Variants in CHEK1 observed in about 807,000 individuals in gnomAD.
CHEK1 encodes the protein serine/threonine-protein kinase Chk1.
CHEK1 carries 32 observed loss-of-function variants against 60.2 expected under a neutral mutation model. The ratio of observed to expected loss-of-function variants is 0.53; its 90% CI spans 0.40 to 0.71. CHEK1 has a LOEUF of 0.71. Ranked by LOEUF, CHEK1 falls within the 30% of genes least tolerant of loss-of-function variation. The pLI, the probability that CHEK1 is intolerant of heterozygous loss-of-function variation, is 0.00. For missense variants in CHEK1, 399 were observed against 564.6 expected (o/e 0.71, Z 2.97); for synonymous variants, 179 against 187.2 (o/e 0.96, Z 0.36).
chr11:125,668,560 G>A (rs1235066887), intron 13 of CHEK1, among the ~76,000 whole-genome samples: 1 of 151,736 alleles, frequency 6.6e-6, no homozygotes. Flanking sequence ...TTTGAGACAA[G>A]ATCTGTTGTC....
intron 13 of CHEK1, among the ~76,000 whole-genome samples, chr11:125,673,642 A>G (rs544813799): frequency 1.2e-4 from 18 of 152,180 alleles, no homozygotes; most frequent in Non-Finnish European, 2.4e-4. Context: ...CTCCATGCCA[A>G]TATGCTAAGG....
At chr11:125,635,161 G>A (rs1268514414) in intron 6 of CHEK1, among the ~76,000 whole-genome samples, 2 of 151,934 alleles carry the variant, frequency 1.3e-5, no homozygotes, top group East Asian at 3.9e-4. Flanking sequence ...GTCTCACTAT[G>A]TTGCCCAGGC....
At chr11:125,649,676 T>G (rs1309643306) in intron 11 of CHEK1, 1 of 152,428 alleles carries the variant, frequency 6.6e-6, no homozygotes, top group Non-Finnish European at 1.5e-5. Flanking sequence ...CTGCAGTGAG[T>G]CGTGATCTGA....
At chr11:125,674,680 A>C (rs1942397047) in intron 13 of CHEK1, among the ~76,000 whole-genome samples, 1 of 152,126 alleles carries the variant, frequency 6.6e-6, no homozygotes, top group Non-Finnish European at 1.5e-5. Context: ...GCTTTGACCA[A>C]CCTGGATGGG....
chr11:125,673,166 CTT>C (rs1285722948), intron 13 of CHEK1, among the ~76,000 whole-genome samples: 1 of 148,050 alleles, frequency 6.8e-6, no homozygotes, highest in Non-Finnish European at 1.5e-5. Flanking sequence ...TTTTTAACCT[CTT>C]TGCTTGCACA....
chr11:125,644,739 TG>T, intron 11 of CHEK1, 96 bp downstream of exon 11: 1 of 1,362,274 alleles, frequency 7.3e-7, no homozygotes, highest in African/African-American at 1.5e-5. Flanking sequence ...ATATAGGCTG[TG>T]GCTCACACCT....
chr11:125,671,853 T>C (rs571415959), intron 13 of CHEK1: 1 of 152,344 alleles, frequency 6.6e-6, no homozygotes, highest in African/African-American at 2.4e-5. Context: ...TGTGAAAACA[T>C]CTTGAAGAAC....
At chr11:125,654,299 C>G (rs940247505) in intron 12 of CHEK1, among the ~76,000 whole-genome samples, 1 of 151,982 alleles carries the variant, frequency 6.6e-6, no homozygotes, top group Non-Finnish European at 1.5e-5. Flanking sequence ...CACTGCACTC[C>G]AGTCTGGGTG....
intron 13 of CHEK1, among the ~76,000 whole-genome samples, chr11:125,664,563 T>C: frequency 6.6e-6 from 1 of 152,032 alleles, no homozygotes; most frequent in Admixed American, 6.6e-5. Flanking sequence ...CTATTGGCCA[T>C]TTGTATGTCT....
At chr11:125,647,670 T>G (rs532814073) in intron 11 of CHEK1, among the ~76,000 whole-genome samples, 45 of 152,178 alleles carry the variant, frequency 3.0e-4, no homozygotes, top group Non-Finnish European at 5.1e-4. Context: ...GGATTTTACA[T>G]TTGTTTGGAT....
intron 5 of CHEK1, among the ~76,000 whole-genome samples, chr11:125,630,747 GA>G (rs761078199): frequency 1.3e-5 from 2 of 152,024 alleles, no homozygotes; most frequent in Non-Finnish European, 2.9e-5. Flanking sequence ...GTATTATAAT[GA>G]AATGTAAATA....
In CHEK1 at chr11:125,625,577, AGCCTTTCAGGCCCAGAGCG is replaced by A. The variant is rs771441663; in HGVS notation, c.-452_-434del. On this transcript the variant is annotated 5_prime_UTR_variant, in exon 1 of 13. Coordinates refer to ENST00000438015, the MANE Select transcript of CHEK1 (RefSeq NM_001114122.3). The stretch of plus-strand genomic sequence containing the variant: ...GGTGGCCTCACGCAGGTGGCGGTGC[AGCCTTTCAGGCCCAGAGCG>A]GCCAGGAGCGAAGCCCGCAGCCCCG... 1,220 of 591,280 alleles carry A rather than the reference AGCCTTTCAGGCCCAGAGCG, an allele frequency of 2.1e-3. 7 individuals carry two copies. Among genetic ancestry groups the A allele is most frequent in the Non-Finnish European group, 2.6e-3 (877 of 331,232 alleles). The allele number at this position is 591,280 out of a possible 1,614,324, so 36.6% of individuals were successfully genotyped here. A position where few individuals can be genotyped will look rare whatever the true frequency, so the allele number is the denominator to read the frequency against.
intron 8 of CHEK1, among the ~76,000 whole-genome samples, chr11:125,639,382 CTTT>C (rs367756024): frequency 4.7e-5 from 5 of 106,374 alleles, no homozygotes; most frequent in Non-Finnish European, 3.6e-5. Context: ...ATACTTTTCT[CTTT>C]TTTTTTTTTT....
At chr11:125,637,204 C>T (rs1941103534) in intron 7 of CHEK1, among the ~76,000 whole-genome samples, 1 of 152,146 alleles carries the variant, frequency 6.6e-6, no homozygotes, top group Non-Finnish European at 1.5e-5. Context: ...AGAAACATTT[C>T]CATCTGGCTC....
At chr11:125,650,518 G>A (rs1010626687) in intron 11 of CHEK1, among the ~76,000 whole-genome samples, 3 of 147,630 alleles carry the variant, frequency 2.0e-5, no homozygotes, top group Non-Finnish European at 3.0e-5. Flanking sequence ...GTGCAGTGGC[G>A]TGATCTTGGC....
intron 12 of CHEK1, among the ~76,000 whole-genome samples, chr11:125,654,374 A>C (rs953220159): frequency 2.6e-5 from 4 of 152,186 alleles, no homozygotes; most frequent in African/African-American, 9.7e-5. Context: ...GTAGATAAGC[A>C]AAAAATGAGA....
intron 11 of CHEK1, among the ~76,000 whole-genome samples, chr11:125,645,928 A>G (rs1941484106): frequency 6.6e-6 from 1 of 152,134 alleles, no homozygotes; most frequent in African/African-American, 2.4e-5. Flanking sequence ...TAGTCTTCTC[A>G]CTCACATAGG....
At chr11:125,637,360 A>C (rs1941110967) in intron 7 of CHEK1, 89 bp from the exon 8 acceptor site, 7 of 869,842 alleles carry the variant, frequency 8.0e-6, no homozygotes, top group Non-Finnish European at 1.2e-5. Flanking sequence ...AGACATAAGT[A>C]GGCTAACAGA....
Position 125,635,508 on chromosome 11 carries a change from GA to G in CHEK1, c.700del (p.Ile234SerfsTer6). 1.9e-6 allele frequency: 3 copies of G among 1,603,044 alleles called. No individual in the cohort carries two copies. The highest frequency in any genetic ancestry group is 1.7e-5 in the Admixed American group (1 of 58,744). ...KEKKTYLNPWKKIDSAPLALL... is the reference protein window; with the variant it reads ...KEKKTYLNPWXKIDSAPLALL... Reference sequence around the variant, plus strand: ...AAAAAAAAACATACCTCAACCCTTGGAAAAAAATCGATTCTGCTCCTCTAGG... The same window carrying G: ...AAAAAAAAACATACCTCAACCCTTGGAAAAAATCGATTCTGCTCCTCTAGG... On this transcript the variant is annotated frameshift_variant, in exon 7 of 13. Transcript: ENST00000438015. LOFTEE classifies it high-confidence loss of function.
Sources: gnomAD v4.1 joint callset for allele counts (sites outside exome capture counted in the v4.1 genomes callset) on GRCh38, gnomAD v4.1.1 for gene constraint, MANE v1.5 for transcripts, NCBI Gene and HGNC (gene_info 2026-07-23, HGNC 2026-07-21) for gene names.